LRBA: variants seen among roughly 807,000 people sequenced by gnomAD.
The protein encoded by LRBA is LPS responsive beige-like anchor protein.
In LRBA, 176 loss-of-function variants were observed where a neutral mutation model predicts 330.0. That is an observed-to-expected ratio of 0.53 (90% CI 0.47 to 0.60). The LOEUF is 0.60. LRBA is among the 20% of genes least tolerant of loss of function. The pLI is 0.00. For synonymous variants in LRBA, 1,230 were observed against 1,193.0 expected, an observed-to-expected ratio of 1.03 and a Z score of -0.64; for missense variants, 3,259 against 3,444.8, an observed-to-expected ratio of 0.95 and a Z score of 1.35.
At position 150,435,639 on chromosome 4, in the gene LRBA, A is replaced by G; in HGVS notation, c.6991T>C (p.Ser2331Pro). ...CTGTTTCGCCAAGCTCTGGAAATTG[A>G]TGAAAAAGTTCGATCTGCATGATCA... Reference protein sequence around the residue: ...KFDHADRTFSSISRAWRNSQR... With the variant: ...KFDHADRTFSPISRAWRNSQR... The change falls in exon 46 of 57, where the codon TCA (serine) becomes CCA (proline). Residue 2331 changes from serine (S) to proline (P), a missense_variant. Physicochemically the swap from Ser to Pro is moderately conservative, Grantham distance 74. Transcript: ENST00000651943. The G allele has an allele frequency of 6.2e-7, 1 of 1,613,296 alleles. No homozygotes were observed.
At chr4:150,977,478 C>G (rs756161556) in intron 2 of LRBA, among the ~76,000 whole-genome samples, 2 of 152,106 alleles carry the variant, frequency 1.3e-5, no homozygotes, top group Non-Finnish European at 2.9e-5. Flanking sequence ...GCCCTTGGAC[C>G]CTGCAGAACC....
intron 2 of LRBA, among the ~76,000 whole-genome samples, chr4:150,979,255 GAAA>G (rs543183913): frequency 0.014 from 2,190 of 152,150 alleles, 29 homozygotes; most frequent in Non-Finnish European, 0.023. Context: ...GGTGCAGACG[GAAA>G]AAAACTCTTA....
At chr4:150,912,910 G>A (rs1308100822) in intron 9 of LRBA, among the ~76,000 whole-genome samples, 1 of 151,990 alleles carries the variant, frequency 6.6e-6, no homozygotes. Flanking sequence ...CTTACATTTT[G>A]ATTTCTCTCA....
At chr4:150,516,217 C>CTTTTTTTTTTTTTT (rs869205771) in intron 40 of LRBA, among the ~76,000 whole-genome samples, 24 of 29,450 alleles carry the variant, frequency 8.1e-4, no homozygotes, top group Non-Finnish European at 1.0e-3. Flanking sequence ...TTTCTATTCT[C>CTTTTTTTTTTTTTT]TTTTTTTTTT....
chr4:150,734,636 C>T (rs1730952357), intron 36 of LRBA, among the ~76,000 whole-genome samples: 1 of 152,208 alleles, frequency 6.6e-6, no homozygotes, highest in Non-Finnish European at 1.5e-5. Flanking sequence ...TGGGTCATTT[C>T]TATAGCTACA....
intron 53 of LRBA, among the ~76,000 whole-genome samples, chr4:150,294,747 T>G (rs529830187): frequency 1.3e-5 from 2 of 152,246 alleles, no homozygotes; most frequent in Admixed American, 6.5e-5. Context: ...GTCAGGAGAT[T>G]GAGACCATCA....
intron 37 of LRBA, among the ~76,000 whole-genome samples, chr4:150,627,281 C>G (rs1367527617): frequency 2.6e-5 from 4 of 151,766 alleles, no homozygotes; most frequent in Non-Finnish European, 1.5e-5. Context: ...TGACTGTGTG[C>G]TGAAAATTAA....
intron 37 of LRBA, among the ~76,000 whole-genome samples, chr4:150,655,620 C>G (rs1357116368): frequency 2.6e-5 from 4 of 152,192 alleles, no homozygotes; most frequent in Non-Finnish European, 5.9e-5. Flanking sequence ...GACTGAAAAA[C>G]TGACACTTGG....
At chr4:150,435,770 A>G (rs867341239) in intron 45 of LRBA, 62 bp from the exon 46 acceptor site, 15 of 1,368,372 alleles carry the variant, frequency 1.1e-5, no homozygotes, top group Non-Finnish European at 1.2e-5. Context: ...TGGTTTTTAT[A>G]AATTCTTAGA....
chr4:150,334,272 T>C (rs1284122263), intron 48 of LRBA, among the ~76,000 whole-genome samples: 1 of 152,086 alleles, frequency 6.6e-6, no homozygotes, highest in Non-Finnish European at 1.5e-5. Context: ...TATGGAATAT[T>C]TAAAACTCAA....
intron 35 of LRBA, among the ~76,000 whole-genome samples, chr4:150,739,441 A>G (rs1305700528): frequency 3.3e-5 from 5 of 152,194 alleles, no homozygotes; most frequent in African/African-American, 9.7e-5. Context: ...TCTTTGATAC[A>G]TTTCAATTAA....
At chr4:150,556,294 T>A (rs929082389) in intron 40 of LRBA, among the ~76,000 whole-genome samples, 34 of 152,196 alleles carry the variant, frequency 2.2e-4, no homozygotes, top group Non-Finnish European at 4.3e-4. Context: ...TGATGGATGG[T>A]AATCAAAAAC....
intron 40 of LRBA, among the ~76,000 whole-genome samples, chr4:150,500,266 A>T (rs1455167697): frequency 6.7e-6 from 1 of 150,366 alleles, no homozygotes; most frequent in Admixed American, 6.6e-5. Context: ...CCAAAGGTAA[A>T]GTTAAAAAAA....
chr4:150,302,257 A>T (rs867667556), intron 53 of LRBA, among the ~76,000 whole-genome samples: 1 of 104,690 alleles, frequency 9.6e-6, no homozygotes, highest in African/African-American at 2.7e-5. Context: ...CTATGAAATT[A>T]TTATTTTTAT....
intron 48 of LRBA, among the ~76,000 whole-genome samples, chr4:150,340,718 T>G (rs1034902710): frequency 2.6e-5 from 4 of 152,214 alleles, no homozygotes; most frequent in African/African-American, 7.2e-5. Flanking sequence ...TTGCTTTAGA[T>G]GTACAGAAAC....
intron 14 of LRBA, 34 bp downstream of exon 14, chr4:150,900,015 T>C (rs1730544171): frequency 6.8e-7 from 1 of 1,477,562 alleles, no homozygotes; most frequent in East Asian, 2.3e-5. Flanking sequence ...GATTTGCATT[T>C]GTGTAAAGTA....
chr4:150,952,295 T>G (rs573978684), intron 2 of LRBA, among the ~76,000 whole-genome samples: 2 of 151,916 alleles, frequency 1.3e-5, no homozygotes, highest in African/African-American at 4.8e-5. Flanking sequence ...GAGAGAGAGA[T>G]AGGTAGAGAC....
chr4:150,276,625 G>T (rs997961183), intron 56 of LRBA, among the ~76,000 whole-genome samples: 2 of 152,136 alleles, frequency 1.3e-5, no homozygotes, highest in Non-Finnish European at 2.9e-5. Flanking sequence ...GATATGAACA[G>T]ACACTTCTCA....
chr4:150,664,097 A>T (rs578156630), intron 37 of LRBA, among the ~76,000 whole-genome samples: 1 of 152,318 alleles, frequency 6.6e-6, no homozygotes, highest in Admixed American at 6.5e-5. Context: ...ACAAGCCTTG[A>T]ATGTCATGTC....
Sources: gnomAD v4.1 joint callset for allele counts (sites outside exome capture counted in the v4.1 genomes callset) on GRCh38, gnomAD v4.1.1 for gene constraint, MANE v1.5 for transcripts, NCBI Gene and HGNC (gene_info 2026-07-23, HGNC 2026-07-21) for gene names.